Variants in ASNS observed in about 807,000 individuals in gnomAD.
The protein encoded by ASNS is asparagine synthetase (glutamine-hydrolyzing), also known as asparagine synthetase [glutamine-hydrolyzing].
Under a neutral mutation model 62.6 loss-of-function variants are expected in ASNS, and 37 were observed. That is an observed-to-expected ratio of 0.59 (90% CI 0.45 to 0.78). The LOEUF is 0.78. ASNS is among the 30% of genes least tolerant of loss of function. The pLI is 0.00. For missense variants in ASNS, 520 were observed against 682.4 expected (o/e 0.76, Z 2.65); for synonymous variants, 207 against 237.9 (o/e 0.87, Z 1.19).
chr7:97,853,828 T>C (rs1791302256), intron 10 of ASNS, among the ~76,000 whole-genome samples: 1 of 152,206 alleles, frequency 6.6e-6, no homozygotes, highest in African/African-American at 2.4e-5. Flanking sequence ...CAATATGCGA[T>C]ATAAACCAGT....
chr7:97,916,979 G>C, the ASNS span, among the ~76,000 whole-genome samples: 1 of 152,026 alleles, frequency 6.6e-6, no homozygotes, highest in Admixed American at 6.5e-5. Flanking sequence ...ACAGTCTCTA[G>C]GTGCCACTAA....
the ASNS span, among the ~76,000 whole-genome samples, chr7:97,919,615 CAG>C: frequency 1.3e-5 from 2 of 152,232 alleles, no homozygotes; most frequent in South Asian, 2.1e-4. Context: ...TTTCAAGCCA[CAG>C]AGTCTTCCTT....
chr7:97,926,583 C>T, the ASNS span, among the ~76,000 whole-genome samples: 254 of 151,018 alleles, frequency 1.7e-3, 3 homozygotes, highest in African/African-American at 5.7e-3. Flanking sequence ...ATGGGTCTGG[C>T]GGGCATTGTG....
At position 97,853,229 on chromosome 7, in the gene ASNS, A is replaced by G. The variant is rs374442995; in HGVS notation, c.1321-14T>C. 3 of 1,606,114 alleles carry G rather than the reference A, an allele frequency of 1.9e-6. No homozygotes were observed. The highest frequency in any genetic ancestry group is 2.6e-6 in the Non-Finnish European group (3 of 1,175,756). ...TTCTATCCCATTCTGACGTGACAAAAAAAGGAGCATCAGGTAAAAATTACA... is the reference window on the plus strand; with the variant it reads ...TTCTATCCCATTCTGACGTGACAAAGAAAGGAGCATCAGGTAAAAATTACA... On this transcript the variant is annotated splice_polypyrimidine_tract_variant and intron_variant, in intron 11 of 12. Coordinates refer to ENST00000394308, the MANE Select transcript of ASNS (RefSeq NM_001673.5).
At chr7:97,857,723 TC>T (rs1035310163) in intron 7 of ASNS, among the ~76,000 whole-genome samples, 8 of 150,148 alleles carry the variant, frequency 5.3e-5, no homozygotes, top group African/African-American at 2.0e-4. Flanking sequence ...AGCTCAGACC[TC>T]CCCCCACAGC....
At chr7:97,880,304 G>T in the ASNS span, among the ~76,000 whole-genome samples, 1 of 152,094 alleles carries the variant, frequency 6.6e-6, no homozygotes, top group Non-Finnish European at 1.5e-5. Context: ...TCATATTTTT[G>T]GTAGAGACGG....
the ASNS span, among the ~76,000 whole-genome samples, chr7:97,901,930 A>G: frequency 2.4e-4 from 36 of 152,156 alleles, no homozygotes; most frequent in Admixed American, 7.2e-4. Context: ...GTGAGTCACT[A>G]TTATGCCACT....
chr7:97,888,164 G>A, the ASNS span, among the ~76,000 whole-genome samples: 1 of 152,094 alleles, frequency 6.6e-6, no homozygotes, highest in Non-Finnish European at 1.5e-5. Flanking sequence ...TGCAGAGAGA[G>A]GGTCTCACTA....
the ASNS span, among the ~76,000 whole-genome samples, chr7:97,884,214 C>G: frequency 2.0e-5 from 3 of 152,120 alleles, no homozygotes; most frequent in South Asian, 2.1e-4. Flanking sequence ...CTGATTCTCT[C>G]GCTTGCCCTG....
rs774808316 is a variant in ASNS, at chr7:97,854,607, C to T, written c.1211G>A (p.Arg404His). The change falls in exon 10 of 13, where the codon CGC becomes CAC. Residue 404 changes from arginine (R) to histidine (H), a missense_variant. Arg to His is a conservative substitution (Grantham distance 29). Coordinates refer to ENST00000394308, the MANE Select transcript of ASNS (RefSeq NM_001673.5). ...ATGGGCAGCAGTAGTTCGATCTGCG[C>T]GGAGAACATCAAACAAATAGAGTTC... ...LRELYLFDVL[R>H]ADRTTAAHGL... is the part of the protein sequence containing the mutation. 3.3e-5 allele frequency: 53 copies of T among 1,613,964 alleles called. No homozygotes were observed. Among genetic ancestry groups the T allele is most frequent in the Admixed American group, 8.3e-5 (5 of 59,978 alleles).
chr7:97,925,980 G>A, the ASNS span, among the ~76,000 whole-genome samples: 1 of 152,004 alleles, frequency 6.6e-6, no homozygotes, highest in Admixed American at 6.6e-5. Flanking sequence ...TTAATGGGAT[G>A]GGTGTTTATG....
In ASNS at chr7:97,852,365, G is replaced by GAC; in HGVS notation, c.1579_1580insGT (p.Pro527ArgfsTer8). The GAC allele has an allele frequency of 6.2e-7, 1 of 1,614,144 alleles. No individual in the cohort carries two copies. The highest frequency in any genetic ancestry group is 8.5e-7 in the Non-Finnish European group (1 of 1,180,040). On this transcript the variant is annotated frameshift_variant, in exon 13 of 13. Transcript: ENST00000394308. LOFTEE classifies it high-confidence loss of function. ...ATGGCTCAGCCAGTCAGCCCGGCCT[G>GAC]GGTAATGGCGTTCAAAGACTTGACG...
At chr7:97,885,202 G>T in the ASNS span, among the ~76,000 whole-genome samples, 3 of 150,578 alleles carry the variant, frequency 2.0e-5, no homozygotes, top group East Asian at 4.0e-4. Flanking sequence ...GTTCATCCGT[G>T]TTGTAGCACG....
At chr7:97,888,290 T>G in the ASNS span, among the ~76,000 whole-genome samples, 1 of 151,880 alleles carries the variant, frequency 6.6e-6, no homozygotes, top group Admixed American at 6.6e-5. Flanking sequence ...TCTTTTTAAA[T>G]AGAAACCTTA....
chr7:97,919,236 C>T, the ASNS span, among the ~76,000 whole-genome samples: 2 of 152,162 alleles, frequency 1.3e-5, no homozygotes, highest in African/African-American at 2.4e-5. Flanking sequence ...TTGCCTCAGC[C>T]TCCCAAATAA....
At chr7:97,906,955 G>A in the ASNS span, 1 of 152,100 alleles carries the variant, frequency 6.6e-6, no homozygotes, top group Non-Finnish European at 1.5e-5. Flanking sequence ...CAGTGGATTG[G>A]ATGAGGCTCA....
At position 97,855,410 on chromosome 7, in the gene ASNS, C is replaced by T. The variant is rs1791388077; in HGVS notation, c.1080G>A (p.Val360=). ...CATCTGATCCTTCTCCAGAGAAGAT[C>T]ACCACGCTATCTGTGTTCTTCCGAA... ...KYIRKNTDSV[V]IFSGEGSDEL... The change falls in exon 9 of 13, where the codon GTG becomes GTA. Residue 360 remains valine (V), a synonymous_variant. Transcript: ENST00000394308. The T allele has an allele frequency of 6.2e-7, 1 of 1,612,450 alleles. No homozygotes were observed.
At chr7:97,886,996 T>C in the ASNS span, among the ~76,000 whole-genome samples, 3 of 152,184 alleles carry the variant, frequency 2.0e-5, no homozygotes, top group South Asian at 4.1e-4. Flanking sequence ...AGCCTCCTAA[T>C]AGCCGGCCAT....
At chr7:97,883,633 G>A in the ASNS span, among the ~76,000 whole-genome samples, 1 of 152,330 alleles carries the variant, frequency 6.6e-6, no homozygotes, top group Non-Finnish European at 1.5e-5. Flanking sequence ...GATCACTTCA[G>A]AAGGTGCATC....
Sources: allele counts gnomAD v4.1 joint callset (sites outside exome capture counted in the v4.1 genomes callset), GRCh38; gene constraint gnomAD v4.1.1; transcripts MANE v1.5; gene names NCBI Gene and HGNC (gene_info 2026-07-23, HGNC 2026-07-21).